NLRC5: variants seen among roughly 807,000 people sequenced by gnomAD.
NLRC5 encodes protein NLRC5.
In NLRC5, 114 loss-of-function variants were observed where a neutral mutation model predicts 206.9. The observed-to-expected ratio is 0.55, with a 90% CI of 0.47 to 0.64. The LOEUF (loss-of-function observed/expected upper bound fraction) is 0.64. NLRC5 is among the 30% of genes least tolerant of loss of function. NLRC5 has a pLI of 0.00. For missense variants in NLRC5, 2,008 were observed against 2,305.5 expected (o/e 0.87, Z 2.64); for synonymous variants, 952 against 962.8 (o/e 0.99, Z 0.21).
intron 36 of NLRC5, among the ~76,000 whole-genome samples, chr16:57,069,133 T>C (rs1240569439): frequency 6.6e-6 from 1 of 152,206 alleles, no homozygotes; most frequent in African/African-American, 2.4e-5. Flanking sequence ...TCAACATAGA[T>C]TATGTGGGGA....
intron 7 of NLRC5, 59 bp downstream of exon 7, chr16:57,028,214 C>T: frequency 6.4e-7 from 1 of 1,570,244 alleles, no homozygotes; most frequent in Non-Finnish European, 8.8e-7. Flanking sequence ...GTACTCTCCT[C>T]CCTCTCCTTA....
intron 18 of NLRC5, 53 bp from the exon 19 acceptor site, chr16:57,041,929 G>T: frequency 7.9e-7 from 1 of 1,262,140 alleles, no homozygotes; most frequent in Admixed American, 2.6e-5. Context: ...CATGCTGCCA[G>T]CAACCCACTC....
chr16:57,013,916 T>C, intron 1 of NLRC5: 1 of 509,010 alleles, frequency 2.0e-6, no homozygotes, highest in South Asian at 1.9e-5. Flanking sequence ...ATGCGGCTGG[T>C]TTTCAATTTT....
intron 1 of NLRC5, chr16:57,004,243 T>G (rs545102385): frequency 1.3e-5 from 2 of 152,466 alleles, no homozygotes; most frequent in African/African-American, 4.8e-5. Flanking sequence ...GGGGACTGGA[T>G]GATGAAAGGG....
At chr16:57,061,768 G>A (rs776157998) in intron 32 of NLRC5, 67 bp downstream of exon 32, 134 of 1,571,222 alleles carry the variant, frequency 8.5e-5, no homozygotes, top group Non-Finnish European at 1.1e-4. Context: ...GGGCACTGGA[G>A]TAAGAGGCCC....
chr16:57,054,668 C>T lies in NLRC5; in HGVS notation c.3507-83C>T. 4.7e-6 allele frequency: 4 copies of T among 847,670 alleles called. No individual in the cohort carries two copies. The Admixed American group carries it at 7.0e-5, about 15-fold the overall frequency. 52.5% of individuals were successfully genotyped at this position (847,670 alleles called of 1,614,324 possible). ...TTGCCTTGCTGAGCTGCTAGCCCTCCCCACCCTCCCTTTCCTTACCCTCCA... is the reference window on the plus strand; with the variant it reads ...TTGCCTTGCTGAGCTGCTAGCCCTCTCCACCCTCCCTTTCCTTACCCTCCA... On this transcript the variant is annotated intron_variant, in intron 24 of 48. Transcript: ENST00000688547.
intron 1 of NLRC5, chr16:57,013,331 C>G (rs2059693537): frequency 2.3e-6 from 1 of 440,290 alleles, no homozygotes; most frequent in Non-Finnish European, 4.2e-6. Context: ...ACTAAAACCT[C>G]TCATAGATTT....
intron 20 of NLRC5, among the ~76,000 whole-genome samples, chr16:57,044,304 CA>C (rs11399774): frequency 2.2e-4 from 32 of 143,506 alleles, no homozygotes; most frequent in Admixed American, 2.1e-4. Flanking sequence ...GACTCCATCT[CA>C]AAAAAAAAAA....
At chr16:57,078,466 G>GTTTTTTTTTTTTTTTTTTTTTTTTTTTTT (rs71383218) in intron 43 of NLRC5, among the ~76,000 whole-genome samples, 2 of 92,188 alleles carry the variant, frequency 2.2e-5, no homozygotes, top group African/African-American at 1.0e-4. Flanking sequence ...CTGGGACCTT[G>GTTTTTTTTTTTTTTTTTTTTTTTTTTTTT]TTTTTTTTTT....
chr16:57,082,278 C>A, intron 48 of NLRC5, 139 bp from the exon 49 acceptor site: 1 of 600,902 alleles, frequency 1.7e-6, no homozygotes, highest in South Asian at 2.4e-5. Context: ...CCTAGGTCAG[C>A]TATGCTGGTC....
intron 3 of NLRC5, 162 bp downstream of exon 3, chr16:57,021,169 G>C: frequency 6.3e-6 from 4 of 638,558 alleles, no homozygotes; most frequent in Non-Finnish European, 5.3e-6. Context: ...TTCCTAATGC[G>C]CCCAAATCTG....
At chr16:57,045,389 A>G (rs2143898147) in intron 20 of NLRC5, 59 bp from the exon 21 acceptor site, 2 of 1,586,862 alleles carry the variant, frequency 1.3e-6, no homozygotes, top group East Asian at 2.2e-5. Context: ...GGTTCTTGCC[A>G]CTGCCAGGGA....
At chr16:57,077,838 C>T (rs759674890) in intron 42 of NLRC5, 36 bp downstream of exon 42, 5 of 1,583,566 alleles carry the variant, frequency 3.2e-6, no homozygotes, top group African/African-American at 1.3e-5. Context: ...GCCCTCTGTG[C>T]CCCCCAGGTC....
intron 10 of NLRC5, among the ~76,000 whole-genome samples, chr16:57,030,438 A>AGATGGATGGATGGATGGATG (rs71152231): frequency 0.056 from 5,024 of 89,516 alleles, 670 homozygotes; most frequent in Non-Finnish European, 0.08. Context: ...GTGGATGAAA[A>AGATGGATGGATGGATGGATG]GATGGATGGA....
Position 57,034,542 on chromosome 16 carries a change from T to G in NLRC5, c.2627+291T>G, listed in dbSNP as rs1370374827. The stretch of plus-strand genomic sequence containing the variant: ...GAAGTTAAGCTGCAGAAAGATAAAC[T>G]TGCTCAAGGCCACACAGGTAGGAAG... On this transcript the variant is annotated intron_variant, in intron 13 of 48. Transcript: ENST00000688547. 3 of 346,560 alleles carry G rather than the reference T, an allele frequency of 8.7e-6. No homozygotes were observed. The Admixed American group carries it at 1.3e-4, about 15-fold the overall frequency. 21.5% of individuals were successfully genotyped at this position (346,560 alleles called of 1,614,324 possible).
Position 57,054,850 on chromosome 16 carries a change from C to A in NLRC5, c.3596+10C>A. 1.2e-6 allele frequency: 2 copies of A among 1,613,346 alleles called. No homozygotes were observed. The highest frequency in any genetic ancestry group is 1.7e-6 in the Non-Finnish European group (2 of 1,179,218). ...AAAAGGTGGATCTCAGGTGGGCATTCCCCTGGGACAGCCAGGACTCGTCCT... is the reference window on the plus strand; with the variant it reads ...AAAAGGTGGATCTCAGGTGGGCATTACCCTGGGACAGCCAGGACTCGTCCT... On this transcript the variant is annotated intron_variant, in intron 25 of 48. Transcript: ENST00000688547.
rs773837275 is a variant in NLRC5, at chr16:57,055,012, C to A, written c.3597-20C>A. ...GAGGCTGTGGCCACAGCTGTCTGAC[C>A]CAGGTCCTGTCTGATCCAGGTCCCT... On this transcript the variant is annotated intron_variant, in intron 25 of 48. Transcript: ENST00000688547. 6.2e-7 allele frequency: 1 copy of A among 1,614,128 alleles called. No homozygotes were observed. The highest frequency in any genetic ancestry group is 1.1e-5 in the South Asian group (1 of 91,080).
intron 1 of NLRC5, among the ~76,000 whole-genome samples, chr16:56,994,261 T>G (rs1017977248): frequency 6.6e-6 from 1 of 152,034 alleles, no homozygotes; most frequent in Non-Finnish European, 1.5e-5. Context: ...CAGAGGGAGA[T>G]GACTCCCAGA....
intron 12 of NLRC5, 44 bp from the exon 13 acceptor site, chr16:57,034,124 G>C (rs750329109): frequency 6.5e-7 from 1 of 1,542,940 alleles, no homozygotes; most frequent in Non-Finnish European, 8.9e-7. Flanking sequence ...CATGGAGTAG[G>C]GGCTGTTTGC....
Sources: gnomAD v4.1 joint callset for allele counts (sites outside exome capture counted in the v4.1 genomes callset) on GRCh38, gnomAD v4.1.1 for gene constraint, MANE v1.5 for transcripts, NCBI Gene and HGNC (gene_info 2026-07-23, HGNC 2026-07-21) for gene names.